NRXN3: variants seen among roughly 807,000 people sequenced by gnomAD.
NRXN3 encodes neurexin III.
In NRXN3, 32 loss-of-function variants were observed where a neutral mutation model predicts 137.6. The observed-to-expected ratio is 0.23, with a 90% CI of 0.18 to 0.31. The LOEUF is 0.31. Among genes scored for constraint, NRXN3 ranks in the 10% least tolerant of loss-of-function variants. The pLI is 1.00. For missense variants in NRXN3, 1,574 were observed against 2,062.5 expected, an observed-to-expected ratio of 0.76 and a Z score of 4.59; for synonymous variants, 798 against 784.5, an observed-to-expected ratio of 1.02 and a Z score of -0.29.
intron 15 of NRXN3, among the ~76,000 whole-genome samples, chr14:79,242,421 A>C (rs1597709832): frequency 1.3e-5 from 2 of 152,114 alleles, no homozygotes; most frequent in South Asian, 2.1e-4. Flanking sequence ...TAGAATCTTC[A>C]CTGTCTCCTG....
chr14:79,840,640 A>G (rs544022262), intron 20 of NRXN3, among the ~76,000 whole-genome samples: 2 of 152,224 alleles, frequency 1.3e-5, no homozygotes, highest in South Asian at 2.1e-4. Context: ...TTTAAGTTGT[A>G]TATCTTTGGG....
chr14:78,899,756 T>A (rs2152737106), intron 10 of NRXN3, among the ~76,000 whole-genome samples: 1 of 152,074 alleles, frequency 6.6e-6, no homozygotes, highest in African/African-American at 2.4e-5. Flanking sequence ...TTAAAAAAAA[T>A]CTCTTAAATG....
At chr14:78,943,431 T>C (rs1310127166) in intron 10 of NRXN3, among the ~76,000 whole-genome samples, 1 of 149,580 alleles carries the variant, frequency 6.7e-6, no homozygotes, top group Non-Finnish European at 1.5e-5. Context: ...GGGGATTCTG[T>C]GAAGTCTGGG....
At chr14:79,259,003 A>G (rs1050194242) in intron 15 of NRXN3, among the ~76,000 whole-genome samples, 21 of 152,190 alleles carry the variant, frequency 1.4e-4, no homozygotes, top group African/African-American at 5.1e-4. Context: ...ACTTTGAGAG[A>G]CAGTGTGGTC....
chr14:78,220,155 G>C (rs1030555798), intron 1 of NRXN3, among the ~76,000 whole-genome samples: 1 of 152,164 alleles, frequency 6.6e-6, no homozygotes, highest in African/African-American at 2.4e-5. Context: ...AGAGGAAGTG[G>C]AGGAGGAAAA....
intron 6 of NRXN3, among the ~76,000 whole-genome samples, chr14:78,680,662 G>T (rs2098065125): frequency 6.6e-6 from 1 of 152,066 alleles, no homozygotes; most frequent in African/African-American, 2.4e-5. Context: ...AAAGTAGAGT[G>T]GTTTGATTTT....
At chr14:79,672,661 A>G (rs1390942529) in intron 17 of NRXN3, among the ~76,000 whole-genome samples, 8 of 152,080 alleles carry the variant, frequency 5.3e-5, no homozygotes, top group Admixed American at 5.2e-4. Flanking sequence ...TAGTTTAAGT[A>G]GTTAATACAA....
chr14:79,268,476 C>T (rs995078348), intron 15 of NRXN3, among the ~76,000 whole-genome samples: 3 of 152,178 alleles, frequency 2.0e-5, no homozygotes, highest in Middle Eastern at 3.2e-3. Flanking sequence ...TCAGCCACAG[C>T]ACATTGGGCA....
chr14:79,531,491 ATT>A (rs1406717899), intron 16 of NRXN3, among the ~76,000 whole-genome samples: 1 of 152,208 alleles, frequency 6.6e-6, no homozygotes, highest in South Asian at 2.1e-4. Context: ...GTGTTATGAG[ATT>A]TTTAGAGTAC....
At chr14:78,976,787 C>G (rs1258395763) in intron 14 of NRXN3, among the ~76,000 whole-genome samples, 1 of 152,122 alleles carries the variant, frequency 6.6e-6, no homozygotes, top group Non-Finnish European at 1.5e-5. Flanking sequence ...GGCACACTAC[C>G]AAAATGCATC....
At chr14:78,538,687 G>A (rs1347352759) in intron 4 of NRXN3, among the ~76,000 whole-genome samples, 1 of 151,958 alleles carries the variant, frequency 6.6e-6, no homozygotes. Context: ...TCCCTGTCTT[G>A]TGCCAGTTTT....
chr14:79,152,225 A>G (rs1404913820), intron 15 of NRXN3, among the ~76,000 whole-genome samples: 1 of 152,080 alleles, frequency 6.6e-6, no homozygotes, highest in African/African-American at 2.4e-5. Context: ...TTTGCATTTT[A>G]TCTGCAGTCA....
At chr14:78,252,623 G>A (rs1209397207) in intron 2 of NRXN3, among the ~76,000 whole-genome samples, 1 of 152,170 alleles carries the variant, frequency 6.6e-6, no homozygotes, top group Non-Finnish European at 1.5e-5. Context: ...CCCGTGTGAA[G>A]TCCTTAGAAG....
At chr14:78,719,984 A>T (rs2098452306) in intron 8 of NRXN3, among the ~76,000 whole-genome samples, 1 of 152,138 alleles carries the variant, frequency 6.6e-6, no homozygotes, top group South Asian at 2.1e-4. Context: ...ATTGCTATAG[A>T]ATGGTTAGAA....
chr14:79,067,774 C>G (rs2099682635), intron 15 of NRXN3, among the ~76,000 whole-genome samples: 1 of 152,004 alleles, frequency 6.6e-6, no homozygotes, highest in Non-Finnish European at 1.5e-5. Flanking sequence ...AAGACTCTAC[C>G]TTCAAATAAG....
At chr14:79,826,267 A>G (rs1409545159) in intron 20 of NRXN3, among the ~76,000 whole-genome samples, 1 of 152,158 alleles carries the variant, frequency 6.6e-6, no homozygotes, top group Non-Finnish European at 1.5e-5. Context: ...TGCTGAGATT[A>G]CAGGCATGAG....
At chr14:78,244,345 G>A (rs1041912794) in intron 2 of NRXN3, among the ~76,000 whole-genome samples, 4 of 151,830 alleles carry the variant, frequency 2.6e-5, no homozygotes, top group Non-Finnish European at 4.4e-5. Context: ...CAGGATAATC[G>A]CTCTAACCTG....
intron 4 of NRXN3, among the ~76,000 whole-genome samples, chr14:78,324,746 C>G (rs2079836470): frequency 6.6e-6 from 1 of 151,964 alleles, no homozygotes; most frequent in Non-Finnish European, 1.5e-5. Context: ...GGAGAAATGG[C>G]CTGAAATCTT....
intron 4 of NRXN3, among the ~76,000 whole-genome samples, chr14:78,410,255 C>T (rs531332850): frequency 1.5e-3 from 221 of 152,294 alleles, no homozygotes; most frequent in African/African-American, 5.2e-3. Context: ...ATTCAGTTTA[C>T]GCTGGAGAAT....
Sources: gnomAD v4.1 joint callset for allele counts (sites outside exome capture counted in the v4.1 genomes callset) on GRCh38, gnomAD v4.1.1 for gene constraint, MANE v1.5 for transcripts, NCBI Gene and HGNC (gene_info 2026-07-23, HGNC 2026-07-21) for gene names.